ROCK1: variants seen among roughly 807,000 people sequenced by gnomAD.
ROCK1 encodes rho-associated protein kinase 1.
Under a neutral mutation model 196.8 loss-of-function variants are expected in ROCK1, and 36 were observed. The observed-to-expected ratio is 0.18, with a 90% CI of 0.14 to 0.24. The LOEUF is 0.24. ROCK1 is among the 10% of genes least tolerant of loss of function. ROCK1 has a pLI of 1.00. For missense variants in ROCK1, 920 were observed against 1,562.0 expected, an observed-to-expected ratio of 0.59 and a Z score of 6.93; for synonymous variants, 443 against 515.9, an observed-to-expected ratio of 0.86 and a Z score of 1.91.
chr18:20,996,273 C>T (rs1446076057), intron 16 of ROCK1, among the ~76,000 whole-genome samples: 1 of 152,118 alleles, frequency 6.6e-6, no homozygotes, highest in Non-Finnish European at 1.5e-5. Context: ...ATGCAACCGA[C>T]ATACTGAAGA....
chr18:20,952,158 G>A (rs1427772961), intron 32 of ROCK1, among the ~76,000 whole-genome samples: 7 of 151,876 alleles, frequency 4.6e-5, no homozygotes, highest in Non-Finnish European at 7.4e-5. Flanking sequence ...CCAGGAAGGT[G>A]CATCACCTGA....
intron 1 of ROCK1, among the ~76,000 whole-genome samples, chr18:21,075,434 G>C (rs1482631374): frequency 6.6e-6 from 1 of 152,176 alleles, no homozygotes; most frequent in African/African-American, 2.4e-5. Flanking sequence ...AAATATTTCA[G>C]ACACACTACA....
chr18:20,990,269 A>G (rs1165541336), intron 18 of ROCK1, among the ~76,000 whole-genome samples: 1 of 152,114 alleles, frequency 6.6e-6, no homozygotes, highest in Admixed American at 6.6e-5. Context: ...ATAGCAGATG[A>G]ATTAGCAGAT....
intron 20 of ROCK1, among the ~76,000 whole-genome samples, chr18:20,983,611 T>C (rs534895292): frequency 6.6e-6 from 1 of 152,184 alleles, no homozygotes; most frequent in African/African-American, 2.4e-5. Context: ...GGCATGTGGC[T>C]GACAGAAAGT....
chr18:20,986,927 A>G (rs761052642), intron 19 of ROCK1, 23 bp downstream of exon 19: 3 of 1,563,100 alleles, frequency 1.9e-6, no homozygotes, highest in Middle Eastern at 1.7e-4. Context: ...ATAGATGAAC[A>G]AAGTCAGTAC....
At chr18:20,991,864 C>A (rs2035629362) in intron 17 of ROCK1, among the ~76,000 whole-genome samples, 1 of 152,062 alleles carries the variant, frequency 6.6e-6, no homozygotes, top group Non-Finnish European at 1.5e-5. Flanking sequence ...TCTCAAATTC[C>A]TGGGCTCAAG....
chr18:21,043,662 C>T (rs1304737769), intron 6 of ROCK1, among the ~76,000 whole-genome samples: 2 of 150,648 alleles, frequency 1.3e-5, no homozygotes, highest in Non-Finnish European at 3.0e-5. Flanking sequence ...GGATAGGTAT[C>T]TTTTAAGACT....
At chr18:21,031,523 T>G (rs896081766) in intron 9 of ROCK1, among the ~76,000 whole-genome samples, 7 of 143,534 alleles carry the variant, frequency 4.9e-5, no homozygotes, top group African/African-American at 1.8e-4. Context: ...GAGAATGGCG[T>G]GAACCCAGGA....
chr18:20,980,644 C>T (rs532894779), intron 21 of ROCK1, among the ~76,000 whole-genome samples: 5 of 152,120 alleles, frequency 3.3e-5, no homozygotes, highest in Non-Finnish European at 5.9e-5. Flanking sequence ...TGGCCAGGTG[C>T]GGTGGCTCAC....
intron 1 of ROCK1, among the ~76,000 whole-genome samples, chr18:21,098,635 CAAAAA>C (rs56405711): frequency 2.1e-5 from 3 of 140,954 alleles, no homozygotes; most frequent in African/African-American, 7.8e-5. Context: ...TGAAAAATTG[CAAAAA>C]AAAAAAAAAA....
chr18:21,110,205 T>C (rs1467882180), intron 1 of ROCK1, among the ~76,000 whole-genome samples: 2 of 152,210 alleles, frequency 1.3e-5, no homozygotes, highest in Non-Finnish European at 2.9e-5. Context: ...TGGTACGTAC[T>C]TTTGTAACCA....
At chr18:21,008,274 C>CA (rs1343734593) in intron 13 of ROCK1, 80 bp from the exon 14 acceptor site, 9 of 986,124 alleles carry the variant, frequency 9.1e-6, no homozygotes, top group East Asian at 6.0e-5. Flanking sequence ...TTCTTAAAAA[C>CA]AAAAAACAAG....
chr18:21,046,511 A>T (rs2036160445), intron 4 of ROCK1, among the ~76,000 whole-genome samples: 1 of 152,220 alleles, frequency 6.6e-6, no homozygotes, highest in African/African-American at 2.4e-5. Flanking sequence ...ATGCTCAACA[A>T]ATGACAGCAG....
intron 16 of ROCK1, among the ~76,000 whole-genome samples, chr18:21,006,031 T>A (rs1247618903): frequency 2.6e-5 from 4 of 152,134 alleles, no homozygotes; most frequent in African/African-American, 4.8e-5. Flanking sequence ...CAATTAAAAA[T>A]AAAAATTATA....
At chr18:21,032,685 AT>A (rs539290410) in intron 9 of ROCK1, among the ~76,000 whole-genome samples, 20,708 of 126,190 alleles carry the variant, frequency 0.16, 2,967 homozygotes, top group African/African-American at 0.41. Context: ...ATGCCTGGCT[AT>A]TTTTTTTTTT....
At chr18:21,027,568 A>T (rs1215070841) in intron 10 of ROCK1, among the ~76,000 whole-genome samples, 1 of 152,064 alleles carries the variant, frequency 6.6e-6, no homozygotes, top group East Asian at 1.9e-4. Context: ...ACTGTGTTTT[A>T]ATTTACTTAA....
At chr18:21,007,992 T>C (rs1281027500) in intron 14 of ROCK1, 67 bp downstream of exon 14, 2 of 1,285,098 alleles carry the variant, frequency 1.6e-6, no homozygotes, top group Non-Finnish European at 2.1e-6. Flanking sequence ...TCATGGACAC[T>C]AAATTAAAGA....
At chr18:21,090,720 C>A (rs780710520) in intron 1 of ROCK1, among the ~76,000 whole-genome samples, 46 of 152,118 alleles carry the variant, frequency 3.0e-4, no homozygotes, top group Non-Finnish European at 5.4e-4. Context: ...AGATATTTTC[C>A]AGAAATTCGA....
chr18:21,057,742 A>G (rs1166792255), intron 2 of ROCK1, among the ~76,000 whole-genome samples: 2 of 152,044 alleles, frequency 1.3e-5, no homozygotes, highest in African/African-American at 2.4e-5. Flanking sequence ...AATCACTTGA[A>G]CTCAAGAGGT....
Sources: gnomAD v4.1 joint callset for allele counts (sites outside exome capture counted in the v4.1 genomes callset) on GRCh38, gnomAD v4.1.1 for gene constraint, MANE v1.5 for transcripts, NCBI Gene and HGNC (gene_info 2026-07-23, HGNC 2026-07-21) for gene names.